Variants in BLM observed in about 807,000 individuals in gnomAD.
BLM encodes the protein BLM RecQ like helicase, also known as recQ-like DNA helicase BLM.
Under a neutral mutation model 135.3 loss-of-function variants are expected in BLM, and 95 were observed. The observed-to-expected ratio is 0.70, with a 90% CI of 0.59 to 0.83. The LOEUF (loss-of-function observed/expected upper bound fraction) is 0.83, where lower values mean the gene tolerates loss of function less well. Among genes scored for constraint, BLM ranks in the 40% least tolerant of loss-of-function variants. The pLI, the probability that BLM is intolerant of heterozygous loss-of-function variation, is 0.00. For synonymous variants in BLM, 520 were observed against 589.2 expected (o/e 0.88, Z 1.70); for missense variants, 1,518 against 1,663.9 (o/e 0.91, Z 1.53).
rs753796274 is a variant in BLM, at chr15:90,752,180, A to AT, written c.959+249dup. Among the ~76,000 whole-genome samples the AT allele has an allele frequency of 0.022, 3,082 of 143,190 alleles. 58 individuals carry two copies. Among genetic ancestry groups the AT allele is most frequent in the African/African-American group, 0.049 (1,908 of 39,308 alleles). 93.9% of individuals were successfully genotyped at this position (143,190 alleles called of 152,430 possible). A position where few individuals can be genotyped will look rare whatever the true frequency, so the allele number is the denominator to read the frequency against. On this transcript the variant is annotated intron_variant, in intron 4 of 21. Transcript: ENST00000355112. The stretch of plus-strand genomic sequence containing the variant: ...AACTTCAAACAATTTTAGGTAGCTG[A>AT]TTTTTTTTTTTTTTTGAGACAGTCT...
intron 17 of BLM, among the ~76,000 whole-genome samples, chr15:90,802,110 G>C (rs1046149773): frequency 1.3e-5 from 2 of 152,172 alleles, no homozygotes; most frequent in South Asian, 2.1e-4. Flanking sequence ...CAGCAGTAAG[G>C]TTGGTCCATA....
At chr15:90,719,532 C>G (rs1894711499) in intron 1 of BLM, among the ~76,000 whole-genome samples, 1 of 152,050 alleles carries the variant, frequency 6.6e-6, no homozygotes, top group South Asian at 2.1e-4. Flanking sequence ...ACCCAGGAGG[C>G]TGCAGTTAGT....
chr15:90,746,291 G>C (rs1895500571), intron 1 of BLM, among the ~76,000 whole-genome samples: 1 of 152,008 alleles, frequency 6.6e-6, no homozygotes, highest in South Asian at 2.1e-4. Flanking sequence ...TACTTTTTTG[G>C]GGGTAATAAT....
At chr15:90,799,955 G>T (rs746530617) in intron 17 of BLM, among the ~76,000 whole-genome samples, 1 of 152,188 alleles carries the variant, frequency 6.6e-6, no homozygotes, top group African/African-American at 2.4e-5. Context: ...ACTGTTAGGA[G>T]ACCAGATGGG....
chr15:90,751,828 C>T lies in BLM; in HGVS notation c.841C>T (p.His281Tyr). Residue 281 changes from histidine to tyrosine, a missense_variant, in exon 4 of 22, where the codon CAT becomes TAT. His to Tyr is a moderately conservative substitution (Grantham distance 83). Transcript: ENST00000355112. Reference protein sequence around the residue: ...KKKNLEEAELHSTEKVPCIEF... With the variant: ...KKKNLEEAELYSTEKVPCIEF... ...GAAGAATTTGGAAGAAGCTGAATTA[C>T]ATTCAACTGAGAAAGTTCCATGTAT... 6.2e-7 allele frequency: 1 copy of T among 1,612,618 alleles called. No individual in the cohort carries two copies.
rs149388047 is a variant in BLM, at chr15:90,732,618, T to A, written c.-4-14771T>A. ...AAAAAAAAAAAAGGTAAGGCACTAG[T>A]CAGGGGAAAATTTATAATCTTCAGT... is the stretch of plus-strand genomic sequence containing the variant. On this transcript the variant is annotated intron_variant, in intron 1 of 21. Transcript: ENST00000355112. 1.9e-3 allele frequency among the ~76,000 whole-genome samples: 272 copies of A among 145,736 alleles called. 1 individual carries two copies. Among genetic ancestry groups the A allele is most frequent in the Non-Finnish European group, 2.8e-3 (185 of 66,676 alleles).
At chr15:90,790,621 A>C (rs1896879163) in intron 14 of BLM, 28 bp from the exon 15 acceptor site, 2 of 1,601,898 alleles carry the variant, frequency 1.2e-6, no homozygotes, top group Non-Finnish European at 1.7e-6. Context: ...TGCCTTATGA[A>C]TCTAATAAGC....
intron 21 of BLM, 126 bp from the exon 22 acceptor site, chr15:90,814,976 G>A: frequency 1.1e-6 from 1 of 930,130 alleles, no homozygotes; most frequent in Non-Finnish European, 1.7e-6. Context: ...GGGCTCGTAG[G>A]CAGAAAATGC....
intron 1 of BLM, among the ~76,000 whole-genome samples, chr15:90,730,931 G>T (rs1596201405): frequency 6.6e-6 from 1 of 151,562 alleles, no homozygotes; most frequent in Non-Finnish European, 1.5e-5. Flanking sequence ...CTTGGTCTCG[G>T]TATTTTTTAT....
At chr15:90,788,105 AAG>A (rs1278854865) in intron 14 of BLM, among the ~76,000 whole-genome samples, 1 of 152,198 alleles carries the variant, frequency 6.6e-6, no homozygotes, top group Admixed American at 6.5e-5. Flanking sequence ...CAAGGGAAAA[AAG>A]AGATTAAAAT....
chr15:90,799,310 T>G (rs7165074), intron 17 of BLM, among the ~76,000 whole-genome samples: 23,212 of 151,754 alleles, frequency 0.15, 1,894 homozygotes, highest in Non-Finnish European at 0.19. Flanking sequence ...TTAAAATAAA[T>G]ACTTAAATAA....
intron 14 of BLM, among the ~76,000 whole-genome samples, chr15:90,787,949 CAAAA>C: frequency 7.3e-6 from 1 of 136,256 alleles, no homozygotes. Flanking sequence ...GACTCTATGT[CAAAA>C]AAAAAAAAAG....
At chr15:90,792,341 A>C (rs1896926127) in intron 15 of BLM, among the ~76,000 whole-genome samples, 1 of 151,716 alleles carries the variant, frequency 6.6e-6, no homozygotes, top group African/African-American at 2.4e-5. Context: ...CCTGACCTCC[A>C]GTGATCTGTC....
rs545757911 is a variant in BLM at position 90,805,727 on chromosome 15, C to G, written c.3751+1368C>G. ...CACTTGAACCCGCGAGGCAGGGTTT[C>G]ACCATGTTGGCCAGGCTAGTCTCGA... is the stretch of plus-strand genomic sequence containing the variant. On this transcript the variant is annotated intron_variant, in intron 19 of 21. Transcript: ENST00000355112. Among the ~76,000 whole-genome samples the G allele has an allele frequency of 1.0e-3, 158 of 151,940 alleles. 1 individual carries two copies. The highest frequency in any genetic ancestry group is 3.6e-3 in the African/African-American group (151 of 41,506).
rs752379441 is a variant in BLM at position 90,749,530 on chromosome 15, G to C, written c.262G>C (p.Asp88His). The C allele has an allele frequency of 4.3e-6, 7 of 1,613,980 alleles. No homozygotes were observed. The African/African-American group carries it at 8.0e-5, about 18-fold the overall frequency. ...PNTTNQQRVK[D>H]FFKNAPAGQE... is the part of the protein sequence containing the mutation. Reference sequence around the variant, plus strand: ...CACCACAAATCAGCAAAGGGTCAAGGACTTCTTTAAAAATGCTCCAGCAGG... The same window carrying C: ...CACCACAAATCAGCAAAGGGTCAAGCACTTCTTTAAAAATGCTCCAGCAGG... The change falls in exon 3 of 22, where the codon GAC becomes CAC. Residue 88 changes from aspartate to histidine, a missense_variant. Asp to His is a moderately conservative substitution (Grantham distance 81). Transcript: ENST00000355112.
chr15:90,806,461 A>G (rs1189215874), intron 19 of BLM, among the ~76,000 whole-genome samples: 1 of 151,654 alleles, frequency 6.6e-6, no homozygotes, highest in Non-Finnish European at 1.5e-5. Context: ...CAGTGAGCCA[A>G]GATCGTGCCA....
intron 1 of BLM, among the ~76,000 whole-genome samples, chr15:90,731,234 C>T (rs1042217273): frequency 1.3e-5 from 2 of 152,122 alleles, no homozygotes; most frequent in African/African-American, 2.4e-5. Context: ...TCATCATGCC[C>T]GTGGCTCTTG....
At chr15:90,775,448 TA>T (rs1896448072) in intron 12 of BLM, among the ~76,000 whole-genome samples, 2 of 149,208 alleles carry the variant, frequency 1.3e-5, no homozygotes, top group African/African-American at 4.9e-5. Flanking sequence ...ATATATGTTT[TA>T]AATATATATA....
At chr15:90,788,350 C>T (rs2151182422) in intron 14 of BLM, among the ~76,000 whole-genome samples, 1 of 152,012 alleles carries the variant, frequency 6.6e-6, no homozygotes, top group East Asian at 1.9e-4. Context: ...TTGAAACCAA[C>T]AAAAGGTCAT....
Sources: gnomAD v4.1 joint callset for allele counts (sites outside exome capture counted in the v4.1 genomes callset) on GRCh38, gnomAD v4.1.1 for gene constraint, MANE v1.5 for transcripts, NCBI Gene and HGNC (gene_info 2026-07-23, HGNC 2026-07-21) for gene names.